ADCY10: variants seen among roughly 807,000 people sequenced by gnomAD.
ADCY10 encodes adenylate cyclase 10.
ADCY10 carries 156 observed loss-of-function variants against 183.3 expected under a neutral mutation model. The observed-to-expected ratio is 0.85, with a 90% CI of 0.75 to 0.97. The LOEUF is 0.97. Ranked by LOEUF, ADCY10 falls within the 50% of genes least tolerant of loss-of-function variation. ADCY10 has a pLI of 0.00. For synonymous variants in ADCY10, 645 were observed against 670.0 expected, an observed-to-expected ratio of 0.96 and a Z score of 0.58; for missense variants, 1,745 against 1,934.3, an observed-to-expected ratio of 0.90 and a Z score of 1.84.
intron 25 of ADCY10, among the ~76,000 whole-genome samples, chr1:167,832,056 G>A (rs1351582829): frequency 1.3e-5 from 2 of 152,152 alleles, no homozygotes; most frequent in Non-Finnish European, 2.9e-5. Context: ...AAAGGAACAT[G>A]TTTGGAAGCT....
At chr1:167,898,427 C>T (rs940462054) in intron 6 of ADCY10, among the ~76,000 whole-genome samples, 7 of 151,646 alleles carry the variant, frequency 4.6e-5, no homozygotes, top group Non-Finnish European at 1.0e-4. Context: ...GGTGAAACCC[C>T]GTCTCTACTA....
chr1:167,889,688 A>C (rs1668470731), intron 8 of ADCY10, among the ~76,000 whole-genome samples: 1 of 152,160 alleles, frequency 6.6e-6, no homozygotes, highest in African/African-American at 2.4e-5. Context: ...TCAGCAGTGA[A>C]TACTTCGGGT....
At chr1:167,855,191 A>G (rs1665797710) in intron 17 of ADCY10, among the ~76,000 whole-genome samples, 1 of 152,138 alleles carries the variant, frequency 6.6e-6, no homozygotes, top group Non-Finnish European at 1.5e-5. Flanking sequence ...GTAGTGGGGC[A>G]TGCCTGCAAT....
chr1:167,911,924 G>T (rs897632243), intron 1 of ADCY10, among the ~76,000 whole-genome samples: 3 of 152,098 alleles, frequency 2.0e-5, no homozygotes, highest in Non-Finnish European at 4.4e-5. Flanking sequence ...AGATTAAGAT[G>T]GCATATGTAG....
At chr1:167,905,225 A>G in intron 1 of ADCY10, 27 bp from the exon 2 acceptor site, 1 of 1,423,374 alleles carries the variant, frequency 7.0e-7, no homozygotes, top group South Asian at 1.2e-5. Context: ...AATAGAGGAA[A>G]TCTGATATAT....
At chr1:167,867,383 G>C (rs1358784642) in intron 14 of ADCY10, among the ~76,000 whole-genome samples, 2 of 152,202 alleles carry the variant, frequency 1.3e-5, no homozygotes, top group African/African-American at 4.8e-5. Flanking sequence ...GACTTGTACA[G>C]TAAGGACTTC....
chr1:167,902,247 G>A (rs540788535), intron 3 of ADCY10, among the ~76,000 whole-genome samples, 193 bp from the exon 4 acceptor site: 29 of 152,294 alleles, frequency 1.9e-4, no homozygotes, highest in South Asian at 1.9e-3. Context: ...GAATGAGTAC[G>A]TGGAACCAGT....
rs565626472 is a variant in ADCY10 at position 167,880,196 on chromosome 1, T to C, written c.1140-5A>G. On this transcript the variant is annotated splice_polypyrimidine_tract_variant and splice_region_variant and intron_variant, in intron 10 of 32. Coordinates refer to ENST00000367851, the MANE Select transcript of ADCY10 (RefSeq NM_018417.6). ...GCAACACCGATGGATACAGTTCTGG[T>C]GCAGGGGAGACAAGATTTGTGGGGA... 7 of 1,611,364 alleles carry C rather than the reference T, an allele frequency of 4.3e-6. No individual in the cohort carries two copies. The highest frequency in any genetic ancestry group is 1.7e-6 in the Non-Finnish European group (2 of 1,178,554).
chr1:167,833,533 G>A (rs756888624), intron 24 of ADCY10, among the ~76,000 whole-genome samples: 10 of 152,122 alleles, frequency 6.6e-5, no homozygotes, highest in Non-Finnish European at 1.3e-4. Flanking sequence ...ATCACTTGAG[G>A]TCAGGAGTTT....
At chr1:167,812,871 A>T (rs530848870) in intron 31 of ADCY10, among the ~76,000 whole-genome samples, 8 of 152,302 alleles carry the variant, frequency 5.3e-5, no homozygotes, top group East Asian at 1.9e-4. Context: ...ACTAAAATTT[A>T]AAAAAATCAC....
At chr1:167,849,862 G>A (rs1459848963) in intron 18 of ADCY10, among the ~76,000 whole-genome samples, 3 of 152,184 alleles carry the variant, frequency 2.0e-5, no homozygotes, top group Admixed American at 6.5e-5. Context: ...GAAGGCACAG[G>A]AACCTCAGAG....
intron 26 of ADCY10, among the ~76,000 whole-genome samples, chr1:167,827,334 ATT>A (rs35177857): frequency 9.0e-5 from 12 of 132,862 alleles, no homozygotes; most frequent in East Asian, 4.3e-4. Flanking sequence ...CGCCCGGCTA[ATT>A]TTTTTTTTTT....
Position 167,833,178 on chromosome 1 carries a change from A to AGGGAAGAG in ADCY10, c.3418-24_3418-17dup. ...TGAAACAGACCTACAGGGAGGTGGG[A>AGGGAAGAG]GGGAAGAGAGGAAAAGAGGAAAACG... On this transcript the variant is annotated splice_polypyrimidine_tract_variant and intron_variant, in intron 24 of 32. Transcript: ENST00000367851. 1 of 1,612,422 alleles carries AGGGAAGAG rather than the reference A, an allele frequency of 6.2e-7. No individual in the cohort carries two copies. Among genetic ancestry groups the AGGGAAGAG allele is most frequent in the Non-Finnish European group, 8.5e-7 (1 of 1,178,582 alleles).
intron 21 of ADCY10, among the ~76,000 whole-genome samples, chr1:167,839,849 G>A (rs570519305): frequency 4.6e-5 from 7 of 152,162 alleles, no homozygotes; most frequent in South Asian, 4.2e-4. Context: ...ATAAACGCAC[G>A]TTTGTTGAAA....
In ADCY10 at chr1:167,829,514, G is replaced by C. The variant is rs973132846; in HGVS notation, c.3594-91C>G. 5 of 1,476,494 alleles carry C rather than the reference G, an allele frequency of 3.4e-6. No individual in the cohort carries two copies. The Admixed American group carries it at 8.4e-5, about 25-fold the overall frequency. 91.5% of individuals were successfully genotyped at this position (1,476,494 alleles called of 1,614,324 possible). A position where few individuals can be genotyped will look rare whatever the true frequency, so the allele number is the denominator to read the frequency against. ...ACAGGTACATGGTGTCCTCACTATG[G>C]GCCTGGGAATCAAAACTGACTTGAA... On this transcript the variant is annotated intron_variant, in intron 25 of 32. Coordinates refer to ENST00000367851, the MANE Select transcript of ADCY10 (RefSeq NM_018417.6).
chr1:167,828,261 A>G (rs1400576662), intron 26 of ADCY10, among the ~76,000 whole-genome samples: 2 of 152,240 alleles, frequency 1.3e-5, no homozygotes, highest in South Asian at 2.1e-4. Flanking sequence ...TTTTGTATCC[A>G]TTGGTAAACA....
intron 13 of ADCY10, among the ~76,000 whole-genome samples, chr1:167,874,701 A>G (rs561435881): frequency 1.6e-3 from 239 of 152,352 alleles, no homozygotes; most frequent in Non-Finnish European, 2.9e-3. Flanking sequence ...AGAACCAAAA[A>G]CTGGAAATAA....
chr1:167,809,855 C>T lies in ADCY10; in HGVS notation c.4672-16G>A. On this transcript the variant is annotated splice_polypyrimidine_tract_variant and intron_variant, in intron 32 of 32. Coordinates refer to ENST00000367851, the MANE Select transcript of ADCY10 (RefSeq NM_018417.6). ...ACCATGATTCCTGAGAGGAAAGAAACAGAACAAAGAAATCATTAGTGCTTC... is the reference window on the plus strand; with the variant it reads ...ACCATGATTCCTGAGAGGAAAGAAATAGAACAAAGAAATCATTAGTGCTTC... 1 of 1,613,414 alleles carries T rather than the reference C, an allele frequency of 6.2e-7. No homozygotes were observed. Among genetic ancestry groups the T allele is most frequent in the South Asian group, 1.1e-5 (1 of 91,054 alleles).
chr1:167,910,096 C>T (rs1670056882), intron 1 of ADCY10, among the ~76,000 whole-genome samples: 1 of 152,144 alleles, frequency 6.6e-6, no homozygotes, highest in South Asian at 2.1e-4. Context: ...TCTTGAGATG[C>T]AAGTCTGCCA....
Sources: gnomAD v4.1 joint callset for allele counts (sites outside exome capture counted in the v4.1 genomes callset) on GRCh38, gnomAD v4.1.1 for gene constraint, MANE v1.5 for transcripts, NCBI Gene and HGNC (gene_info 2026-07-23, HGNC 2026-07-21) for gene names.